SOX6: variants seen among roughly 807,000 people sequenced by gnomAD.
SOX6 encodes SRY-box transcription factor 6.
In SOX6, 11 loss-of-function variants were observed where a neutral mutation model predicts 97.8. The ratio of observed to expected loss-of-function variants is 0.11; its 90% CI spans 0.07 to 0.19. The LOEUF is 0.19. Ranked by LOEUF, SOX6 falls within the 10% of genes least tolerant of loss-of-function variation. The probability of loss-of-function intolerance (pLI) is 1.00; values close to 1 mark genes in which losing one functional copy is unlikely to be tolerated. For missense variants in SOX6, 810 were observed against 1,039.5 expected, an observed-to-expected ratio of 0.78 and a Z score of 3.04; for synonymous variants, 360 against 371.4, an observed-to-expected ratio of 0.97 and a Z score of 0.35.
intron 3 of SOX6, among the ~76,000 whole-genome samples, chr11:16,306,959 G>A (rs1443666810): frequency 6.6e-6 from 1 of 152,064 alleles, no homozygotes; most frequent in Non-Finnish European, 1.5e-5. Context: ...ATGCTCACTA[G>A]AGAAAGATTA....
At chr11:16,212,762 C>A (rs1385688706) in intron 4 of SOX6, among the ~76,000 whole-genome samples, 1 of 152,094 alleles carries the variant, frequency 6.6e-6, no homozygotes, top group Non-Finnish European at 1.5e-5. Flanking sequence ...CCGATGGATG[C>A]AAAATGGCGT....
chr11:16,288,661 A>T (rs557383316), intron 3 of SOX6, among the ~76,000 whole-genome samples: 1 of 152,154 alleles, frequency 6.6e-6, no homozygotes, highest in East Asian at 1.9e-4. Flanking sequence ...TAAGCCTATG[A>T]GGGCTTGTCA....
Position 16,063,496 on chromosome 11 carries a change from TTATATATATATATA to T in SOX6, c.1102-7609_1102-7596del, listed in dbSNP as rs66968164. On this transcript the variant is annotated intron_variant, in intron 9 of 15. Coordinates refer to ENST00000683767, the MANE Select transcript of SOX6 (RefSeq NM_001367873.1). ...CGATGTAACTATATTTACCATAATT[TTATATATATATATA>T]TATATATATATATATATATATATAT... Among the ~76,000 whole-genome samples the T allele has an allele frequency of 6.1e-3, 216 of 35,642 alleles. 2 individuals are homozygous for T. The highest frequency in any genetic ancestry group is 0.019 in the Middle Eastern group (1 of 54). 23.4% of individuals were successfully genotyped at this position (35,642 alleles called of 152,430 possible).
At chr11:16,357,205 T>G (rs1857098123), upstream of SOX6, among the ~76,000 whole-genome samples, 1 of 152,136 alleles carries the variant, frequency 6.6e-6, no homozygotes, top group Non-Finnish European at 1.5e-5. Flanking sequence ...CCATCTGGAA[T>G]GTCAGCACAC....
At chr11:16,694,249 C>T (rs951576804) in intron 3 of SOX6, among the ~76,000 whole-genome samples, 2 of 152,120 alleles carry the variant, frequency 1.3e-5, no homozygotes, top group Non-Finnish European at 2.9e-5. Context: ...CTTCTGGAGC[C>T]AGGCATGGTA....
At chr11:16,620,303 A>G (rs1200664996) in intron 3 of SOX6, among the ~76,000 whole-genome samples, 1 of 152,220 alleles carries the variant, frequency 6.6e-6, no homozygotes, top group Non-Finnish European at 1.5e-5. Context: ...CATTTTATCC[A>G]TTAACGTTTA....
At chr11:16,246,468 T>C (rs893675968) in intron 3 of SOX6, among the ~76,000 whole-genome samples, 3 of 151,938 alleles carry the variant, frequency 2.0e-5, no homozygotes, top group African/African-American at 7.2e-5. Context: ...TTTATTTTTC[T>C]TTAATGTCTT....
At chr11:16,590,669 T>C (rs1848139502) in intron 4 of SOX6, among the ~76,000 whole-genome samples, 2 of 152,066 alleles carry the variant, frequency 1.3e-5, no homozygotes, top group African/African-American at 4.8e-5. Context: ...CTGGAGGTCA[T>C]AATGTTCAGT....
chr11:16,392,865 T>G (rs1038626359), intron 1 of SOX6, among the ~76,000 whole-genome samples: 1 of 152,092 alleles, frequency 6.6e-6, no homozygotes, highest in African/African-American at 2.4e-5. Context: ...TATATGTTTG[T>G]CCCTTAAGTT....
intron 1 of SOX6, among the ~76,000 whole-genome samples, chr11:16,457,851 G>C (rs1261865795): frequency 6.6e-6 from 1 of 152,004 alleles, no homozygotes; most frequent in Non-Finnish European, 1.5e-5. Flanking sequence ...TCACACAATT[G>C]CATTTTGTAA....
chr11:16,537,997 G>A lies in SOX6; in HGVS notation n.610-61609C>T, dbSNP rs185219487. 9.0e-4 allele frequency among the ~76,000 whole-genome samples: 137 copies of A among 152,244 alleles called. 1 individual carries two copies. Among genetic ancestry groups the A allele is most frequent in the African/African-American group, 3.3e-3 (135 of 41,514 alleles). ...AGAACACCACAATGATACTCCTCAAGAAGAGCAACCCCAAGACACATAATT... is the reference window on the plus strand; with the variant it reads ...AGAACACCACAATGATACTCCTCAAAAAGAGCAACCCCAAGACACATAATT... On this transcript the variant is annotated intron_variant and non_coding_transcript_variant, in intron 4 of 5. Transcript: ENST00000524520.
chr11:16,492,014 C>T lies in SOX6; in HGVS notation n.610-15626G>A, dbSNP rs1401208769. Among the ~76,000 whole-genome samples the T allele has an allele frequency of 2.0e-5, 3 of 152,010 alleles. 1 individual carries two copies. The South Asian group carries it at 6.2e-4, about 32-fold the overall frequency. ...GAGAAATTACCCATATCTTTCATCA[C>T]CTTCTCAAAAAAAATACACTACCTA... On this transcript the variant is annotated intron_variant and non_coding_transcript_variant, in intron 4 of 5. Coordinates refer to the SOX6 transcript ENST00000524520.
At chr11:16,094,594 T>G (rs751676244) in intron 9 of SOX6, among the ~76,000 whole-genome samples, 1 of 151,930 alleles carries the variant, frequency 6.6e-6, no homozygotes, top group Non-Finnish European at 1.5e-5. Flanking sequence ...CTGACTGTCC[T>G]GAGTAGATAA....
chr11:16,598,646 CTTT>C (rs1848236693), intron 4 of SOX6, among the ~76,000 whole-genome samples: 1 of 140,468 alleles, frequency 7.1e-6, no homozygotes, highest in Admixed American at 7.0e-5. Context: ...TGAGTATGCT[CTTT>C]AAAAAAAAAA....
At chr11:16,712,537 T>A (rs1419828514) in intron 3 of SOX6, among the ~76,000 whole-genome samples, 1 of 152,156 alleles carries the variant, frequency 6.6e-6, no homozygotes, top group Non-Finnish European at 1.5e-5. Flanking sequence ...TGTTAGCCAT[T>A]TGTATATCTT....
intron 2 of SOX6, among the ~76,000 whole-genome samples, chr11:16,328,548 A>G (rs1328433479): frequency 1.3e-5 from 2 of 152,178 alleles, no homozygotes; most frequent in Non-Finnish European, 2.9e-5. Context: ...TTTCAATTAA[A>G]TGTCCAAATT....
chr11:16,219,025 C>A (rs1287670769), intron 4 of SOX6, among the ~76,000 whole-genome samples: 1 of 152,054 alleles, frequency 6.6e-6, no homozygotes, highest in East Asian at 1.9e-4. Context: ...TTTTTCAGTA[C>A]CCAAATTCTC....
At chr11:16,183,147 T>C (rs1057196102) in intron 6 of SOX6, among the ~76,000 whole-genome samples, 3 of 151,918 alleles carry the variant, frequency 2.0e-5, no homozygotes, top group Non-Finnish European at 2.9e-5. Context: ...TATTTCTATT[T>C]GGAAAGGGAA....
At position 16,015,307 on chromosome 11, in the gene SOX6, T is replaced by C. The variant is rs72866356; in HGVS notation, c.1624-257A>G. 2,566 of 511,240 alleles carry C rather than the reference T, an allele frequency of 5.0e-3. 18 individuals are homozygous for C. Among genetic ancestry groups the C allele is most frequent in the Middle Eastern group, 0.025 (45 of 1,828 alleles). The allele number at this position is 511,240 out of a possible 1,614,324, so 31.7% of individuals were successfully genotyped here. Reference sequence around the variant, plus strand: ...ACCTGCCAGAGCTTCTATGCATATCTTCTCTCTGTCGGATTTGCTCCAGTA... The same window carrying C: ...ACCTGCCAGAGCTTCTATGCATATCCTCTCTCTGTCGGATTTGCTCCAGTA... On this transcript the variant is annotated intron_variant, in intron 12 of 15. Transcript: ENST00000683767.
Sources: gnomAD v4.1 joint callset for allele counts (sites outside exome capture counted in the v4.1 genomes callset) on GRCh38, gnomAD v4.1.1 for gene constraint, MANE v1.5 for transcripts, NCBI Gene and HGNC (gene_info 2026-07-23, HGNC 2026-07-21) for gene names.